The following MGMT variants were observed in gnomAD, a reference collection of about 807,000 sequenced individuals.
The protein encoded by MGMT is O-6-methylguanine-DNA methyltransferase.
Under a neutral mutation model 15.9 loss-of-function variants are expected in MGMT, and 14 were observed. The ratio of observed to expected loss-of-function variants is 0.88; its 90% CI spans 0.58 to 1.37. The LOEUF is 1.37. MGMT is among the 40% of genes most tolerant of loss of function. MGMT has a pLI of 0.00. For missense variants in MGMT, 282 were observed against 268.1 expected, an observed-to-expected ratio of 1.05 and a Z score of -0.36; for synonymous variants, 130 against 118.2, an observed-to-expected ratio of 1.10 and a Z score of -0.65.
At chr10:129,587,655 AT>A in intron 2 of MGMT, among the ~76,000 whole-genome samples, 1 of 151,150 alleles carries the variant, frequency 6.6e-6, no homozygotes, top group Non-Finnish European at 1.5e-5. Flanking sequence ...TGCCCAGCTA[AT>A]TTTTATATTT....
At chr10:129,645,868 G>A (rs892159024) in intron 2 of MGMT, among the ~76,000 whole-genome samples, 5 of 152,322 alleles carry the variant, frequency 3.3e-5, no homozygotes, top group South Asian at 2.1e-4. Flanking sequence ...CCAGTCGGCC[G>A]AGGGCCTGTC....
intron 3 of MGMT, among the ~76,000 whole-genome samples, chr10:129,740,313 GT>G (rs916434561): frequency 2.0e-5 from 3 of 152,118 alleles, no homozygotes; most frequent in Non-Finnish European, 4.4e-5. Flanking sequence ...GAGGTCCGGT[GT>G]TTTTAAAGCC....
Position 129,533,230 on chromosome 10 carries a change from C to G in MGMT, c.-12-3011C>G, listed in dbSNP as rs1281488740. On this transcript the variant is annotated intron_variant, in intron 1 of 4. Coordinates refer to ENST00000651593, the MANE Select transcript of MGMT (RefSeq NM_002412.5). The surrounding 1 kb of genome is among the most constrained non-coding windows in gnomAD (Gnocchi z 4.5). ...TGGTTCCTGCTATTTTCTGAGCCTG[C>G]TCCTCCAGCCTTCCCAGAAGTTCTT... Among the ~76,000 whole-genome samples the G allele has an allele frequency of 6.6e-6, 1 of 152,254 alleles. No homozygotes were observed. The highest frequency in any genetic ancestry group is 1.5e-5 in the Non-Finnish European group (1 of 68,052).
chr10:129,697,601 TAGC>T (rs1848046727), intron 2 of MGMT, among the ~76,000 whole-genome samples: 2 of 152,328 alleles, frequency 1.3e-5, no homozygotes, highest in East Asian at 3.9e-4. Flanking sequence ...ACTCAGTAAA[TAGC>T]AGCTGTGCAG....
chr10:129,768,675 C>T lies in MGMT; in HGVS notation c.*1678C>T, dbSNP rs976885814. Among the ~76,000 whole-genome samples the T allele has an allele frequency of 6.6e-6, 1 of 152,252 alleles. No homozygotes were observed. Among genetic ancestry groups the T allele is most frequent in the African/African-American group, 2.4e-5 (1 of 41,472 alleles). On this transcript the variant is annotated 3_prime_UTR_variant, in exon 5 of 5. Transcript: ENST00000651593. The stretch of plus-strand genomic sequence containing the variant: ...GCTCTCCAAGGCAGCAGCTTGGGGC[C>T]TGGTGGCCCGGGTGTGCGAGCCGCG...
intron 2 of MGMT, among the ~76,000 whole-genome samples, chr10:129,638,665 A>G (rs1167821162): frequency 6.6e-6 from 1 of 152,160 alleles, no homozygotes; most frequent in Non-Finnish European, 1.5e-5. Context: ...AGAGTTTTAT[A>G]TGCAGCTAAA....
chr10:129,707,793 A>T (rs960210229), intron 2 of MGMT, 102 bp from the exon 3 acceptor site: 7 of 1,483,672 alleles, frequency 4.7e-6, no homozygotes, highest in Non-Finnish European at 6.5e-6. Flanking sequence ...CCCATGAAGC[A>T]GCCACAGGTG....
chr10:129,630,535 G>A (rs1020037647), intron 2 of MGMT, among the ~76,000 whole-genome samples: 8 of 152,200 alleles, frequency 5.3e-5, no homozygotes, highest in Non-Finnish European at 1.2e-4. Flanking sequence ...CTTGGCCCTT[G>A]AAGATAAACT....
intron 1 of MGMT, among the ~76,000 whole-genome samples, chr10:129,492,172 T>G (rs931188534): frequency 2.0e-5 from 3 of 152,146 alleles, no homozygotes; most frequent in Middle Eastern, 3.2e-3. Flanking sequence ...AGGGCTGGCC[T>G]GTTATTTTAC....
intron 2 of MGMT, among the ~76,000 whole-genome samples, chr10:129,567,783 A>G (rs753297788): frequency 6.6e-6 from 1 of 152,224 alleles, no homozygotes; most frequent in Non-Finnish European, 1.5e-5. Context: ...CTTGGTCAAA[A>G]TTGGCTTGAG....
At position 129,646,745 on chromosome 10, in the gene MGMT, TATATA is replaced by T. The variant is rs1326886382; in HGVS notation, c.126-61149_126-61145del. Among the ~76,000 whole-genome samples the T allele has an allele frequency of 7.2e-3, 788 of 108,750 alleles. 47 individuals are homozygous for T. Among genetic ancestry groups the T allele is most frequent in the Admixed American group, 0.014 (138 of 10,068 alleles). 71.3% of individuals were successfully genotyped at this position (108,750 alleles called of 152,430 possible). On this transcript the variant is annotated intron_variant, in intron 2 of 4. Coordinates refer to ENST00000651593, the MANE Select transcript of MGMT (RefSeq NM_002412.5). ...ATATATATATATATATATATATATA[TATATA>T]TATATTTTCAGGGAATGGTAGAGAA...
At chr10:129,734,275 C>A (rs1419336448) in intron 3 of MGMT, among the ~76,000 whole-genome samples, 3 of 139,094 alleles carry the variant, frequency 2.2e-5, no homozygotes, top group East Asian at 4.8e-4. Context: ...AGGTCCTTCA[C>A]ATCCCTTGTA....
At chr10:129,597,654 C>CATGGGCTAG (rs1327358065) in intron 2 of MGMT, among the ~76,000 whole-genome samples, 2 of 152,142 alleles carry the variant, frequency 1.3e-5, no homozygotes, top group African/African-American at 2.4e-5. Flanking sequence ...AAACAACAGC[C>CATGGGCTAG]ATGGGCTAGA....
At chr10:129,476,649 A>G (rs569185770) in intron 1 of MGMT, among the ~76,000 whole-genome samples, 1 of 152,222 alleles carries the variant, frequency 6.6e-6, no homozygotes, top group Admixed American at 6.5e-5. Flanking sequence ...ACCCATCGCC[A>G]GGCTGCTGGG....
chr10:129,632,058 A>G (rs1019061911), intron 2 of MGMT, among the ~76,000 whole-genome samples: 3 of 152,148 alleles, frequency 2.0e-5, no homozygotes, highest in African/African-American at 7.2e-5. Flanking sequence ...TTTTATGCCT[A>G]CAGCGTACAA....
At chr10:129,537,164 A>C (rs958640980) in intron 2 of MGMT, 1 of 151,906 alleles carries the variant, frequency 6.6e-6, no homozygotes, top group African/African-American at 2.4e-5. Flanking sequence ...GAAAAAAAAA[A>C]CACCCACTCC....
At chr10:129,508,938 GAAC>G (rs527602102) in intron 1 of MGMT, among the ~76,000 whole-genome samples, 77 of 152,314 alleles carry the variant, frequency 5.1e-4, no homozygotes, top group African/African-American at 1.8e-3. Context: ...TTTCTGTCAT[GAAC>G]AAGGTTTGTG....
intron 1 of MGMT, among the ~76,000 whole-genome samples, chr10:129,503,586 CTG>C (rs758283185): frequency 3.9e-5 from 6 of 152,278 alleles, no homozygotes; most frequent in South Asian, 2.1e-4. Context: ...AAAAAAGAGA[CTG>C]TTTCTGTTGA....
chr10:129,615,066 G>T (rs931936344), intron 2 of MGMT, among the ~76,000 whole-genome samples: 3 of 152,150 alleles, frequency 2.0e-5, no homozygotes, highest in African/African-American at 7.2e-5. Flanking sequence ...GTGGGGAGGT[G>T]CAGTGGAGAA....
Sources: allele counts gnomAD v4.1 joint callset (sites outside exome capture counted in the v4.1 genomes callset), GRCh38; gene constraint gnomAD v4.1.1; non-coding constraint Gnocchi (gnomAD v3.1); transcripts MANE v1.5; gene names NCBI Gene and HGNC (gene_info 2026-07-23, HGNC 2026-07-21).